The following LMTK2 variants were observed in gnomAD, a reference collection of about 807,000 sequenced individuals.
LMTK2 encodes the protein serine/threonine-protein kinase LMTK2.
LMTK2 carries 37 observed loss-of-function variants against 127.5 expected under a neutral mutation model. The ratio of observed to expected loss-of-function variants is 0.29; its 90% CI spans 0.22 to 0.38. The LOEUF (loss-of-function observed/expected upper bound fraction) is 0.38, where lower values mean the gene tolerates loss of function less well. LMTK2 is among the 10% of genes least tolerant of loss of function. The probability of loss-of-function intolerance (pLI) is 1.00; values close to 1 mark genes in which losing one functional copy is unlikely to be tolerated. For synonymous variants in LMTK2, 819 were observed against 810.1 expected (o/e 1.01, Z -0.19); for missense variants, 1,694 against 1,920.3 (o/e 0.88, Z 2.20).
intron 3 of LMTK2, among the ~76,000 whole-genome samples, chr7:98,150,353 A>T (rs1285264460): frequency 6.6e-6 from 1 of 152,016 alleles, no homozygotes; most frequent in Non-Finnish European, 1.5e-5. Context: ...AAGATTGCAT[A>T]CCCTTTAGAA....
At chr7:98,144,842 T>G (rs1302087961) in intron 3 of LMTK2, among the ~76,000 whole-genome samples, 1 of 152,008 alleles carries the variant, frequency 6.6e-6, no homozygotes, top group Non-Finnish European at 1.5e-5. Context: ...GATCTTTCCA[T>G]ATCATTAAAG....
Position 98,191,985 on chromosome 7 carries a change from T to C in LMTK2, c.1520T>C (p.Val507Ala), listed in dbSNP as rs1797533310. The C allele has an allele frequency of 1.2e-6, 2 of 1,613,248 alleles. No homozygotes were observed. Among genetic ancestry groups the C allele is most frequent in the Non-Finnish European group, 1.7e-6 (2 of 1,179,464 alleles). Residue 507 changes from valine to alanine, a missense_variant, in exon 11 of 14, where the codon GTT becomes GCT. By Grantham distance (64) the Val-to-Ala change is moderately conservative. Coordinates refer to ENST00000297293, the MANE Select transcript of LMTK2 (RefSeq NM_014916.4). ...TCCTACACGAGCATCTTCTATCCGG[T>C]TGAAGTTTTTGAGAGTTCGCTTTCA... ...GLSYTSIFYP[V>A]EVFESSLSDP...
At chr7:98,157,792 A>G (rs1027207926) in intron 5 of LMTK2, among the ~76,000 whole-genome samples, 1 of 152,246 alleles carries the variant, frequency 6.6e-6, no homozygotes, top group African/African-American at 2.4e-5. Context: ...AACATTCTAG[A>G]AATGGAGAAC....
At chr7:98,151,245 T>G (rs934104337) in intron 3 of LMTK2, 137 bp from the exon 4 acceptor site, 11 of 529,850 alleles carry the variant, frequency 2.1e-5, no homozygotes, top group Non-Finnish European at 3.5e-5. Context: ...TTGGCATGAT[T>G]CGTTTAAAAG....
At chr7:98,140,472 G>A (rs546290871) in intron 2 of LMTK2, among the ~76,000 whole-genome samples, 1 of 152,130 alleles carries the variant, frequency 6.6e-6, no homozygotes, top group East Asian at 2.0e-4. Flanking sequence ...TTGTAAAGTT[G>A]TCATCTTTAG....
At chr7:98,190,697 G>A (rs1157642249) in intron 9 of LMTK2, 31 bp from the exon 10 acceptor site, 3 of 1,612,232 alleles carry the variant, frequency 1.9e-6, no homozygotes. Flanking sequence ...TCTAAAGGGA[G>A]AGAGAAACAG....
chr7:98,133,167 TGTG>T (rs1286296604), intron 1 of LMTK2, among the ~76,000 whole-genome samples: 2 of 152,238 alleles, frequency 1.3e-5, no homozygotes, highest in African/African-American at 2.4e-5. Flanking sequence ...CCAGACCTCA[TGTG>T]GTGCTTGCTC....
intron 7 of LMTK2, among the ~76,000 whole-genome samples, chr7:98,176,074 A>G (rs1797273037): frequency 6.6e-6 from 1 of 152,254 alleles, no homozygotes; most frequent in Admixed American, 6.5e-5. Context: ...TGCATGTAGC[A>G]GTGTGTGAAT....
intron 1 of LMTK2, among the ~76,000 whole-genome samples, chr7:98,113,315 C>T (rs1340294205): frequency 2.0e-5 from 3 of 152,196 alleles, no homozygotes; most frequent in African/African-American, 7.2e-5. Context: ...TTTGCTTCCC[C>T]TTCCACCGTG....
At chr7:98,160,369 AT>A (rs1797000028) in intron 6 of LMTK2, among the ~76,000 whole-genome samples, 1 of 152,212 alleles carries the variant, frequency 6.6e-6, no homozygotes, top group South Asian at 2.1e-4. Flanking sequence ...GAGGTGGTTG[AT>A]TAATAAACTT....
At position 98,194,347 on chromosome 7, in the gene LMTK2, G is replaced by A. The variant is rs1430786381; in HGVS notation, c.3882G>A (p.Ser1294=). The part of the protein sequence containing the change: ...ADEEDENSDD[S]DEDLRAFNLH... ...AGGAGGACGAAAACAGCGACGACTCGGACGAGGACCTGCGGGCCTTCAACC... is the reference window on the plus strand; with the variant it reads ...AGGAGGACGAAAACAGCGACGACTCAGACGAGGACCTGCGGGCCTTCAACC... Residue 1294 remains serine, a synonymous_variant, in exon 11 of 14, where the codon TCG becomes TCA. Transcript: ENST00000297293. The surrounding 1 kb of genome is among the most constrained non-coding windows in gnomAD (Gnocchi z 5.4). 32 of 1,613,990 alleles carry A rather than the reference G, an allele frequency of 2.0e-5. No individual in the cohort carries two copies. The highest frequency in any genetic ancestry group is 3.3e-4 in the Middle Eastern group (2 of 6,084).
rs1053790152 is a variant in LMTK2, at chr7:98,171,476, C to T, written c.658-65C>T. ...TTAACAGTTAGTGTTCACCGAGGCACGTATTTAAGCGCTCACTTTATTCCT... is the reference window on the plus strand; with the variant it reads ...TTAACAGTTAGTGTTCACCGAGGCATGTATTTAAGCGCTCACTTTATTCCT... On this transcript the variant is annotated intron_variant, in intron 6 of 13. Coordinates refer to ENST00000297293, the MANE Select transcript of LMTK2 (RefSeq NM_014916.4). The surrounding 1 kb of genome is among the most constrained non-coding windows in gnomAD (Gnocchi z 5.1). 1.6e-5 allele frequency: 25 copies of T among 1,602,342 alleles called. No homozygotes were observed. The highest frequency in any genetic ancestry group is 1.7e-4 in the Middle Eastern group (1 of 6,028).
chr7:98,189,911 G>A (rs1173416813), intron 9 of LMTK2, among the ~76,000 whole-genome samples: 2 of 152,068 alleles, frequency 1.3e-5, no homozygotes, highest in African/African-American at 4.8e-5. Flanking sequence ...CCAAACTTGT[G>A]GGTCTCACAG....
At chr7:98,131,932 TA>T (rs1796525109) in intron 1 of LMTK2, among the ~76,000 whole-genome samples, 1 of 152,152 alleles carries the variant, frequency 6.6e-6, no homozygotes, top group Admixed American at 6.5e-5. Flanking sequence ...GTCTTTACAT[TA>T]GCAGTTCACT....
chr7:98,190,545 G>A (rs761336473), intron 9 of LMTK2, among the ~76,000 whole-genome samples, 183 bp from the exon 10 acceptor site: 1 of 152,186 alleles, frequency 6.6e-6, no homozygotes, highest in Non-Finnish European at 1.5e-5. Flanking sequence ...TCACACCATT[G>A]CACTCCAGCC....
chr7:98,180,282 T>G (rs1448980120), intron 7 of LMTK2, among the ~76,000 whole-genome samples: 1 of 152,252 alleles, frequency 6.6e-6, no homozygotes, highest in Non-Finnish European at 1.5e-5. Flanking sequence ...GTTTAAGTTT[T>G]TGGTCTTTTG....
intron 8 of LMTK2, 62 bp from the exon 9 acceptor site, chr7:98,186,815 A>C: frequency 6.8e-7 from 1 of 1,461,836 alleles, no homozygotes; most frequent in South Asian, 1.2e-5. Context: ...ATGGATTTAA[A>C]TTCTTGAACT....
intron 9 of LMTK2, among the ~76,000 whole-genome samples, chr7:98,187,291 T>A (rs1797450317): frequency 1.3e-5 from 2 of 152,214 alleles, no homozygotes; most frequent in African/African-American, 4.8e-5. Context: ...AGATATTTAA[T>A]ATGTATTTAT....
rs1330302014 is a variant in LMTK2 at position 98,171,646 on chromosome 7, G to A, written c.763G>A (p.Ala255Thr). The A allele has an allele frequency of 3.1e-6, 5 of 1,599,740 alleles. No homozygotes were observed. In the South Asian group the frequency reaches 4.5e-5, roughly 14 times the overall value. The change falls in exon 7 of 14, where the codon GCC becomes ACC. Residue 255 changes from alanine to threonine, a missense_variant. By Grantham distance (58) the Ala-to-Thr change is moderately conservative. This residue lies in a region of LMTK2 where 203 missense variants were observed against 226.2 expected (regional missense o/e 0.90). Transcript: ENST00000297293. This position sits in a 1 kb window ranked among gnomAD's most constrained non-coding sequence, Gnocchi z 5.1. ...GTGCGAGGTCGCCGCGGGGCTGGCC[G>A]CCATGCACAAGCTGCACTTCCTGCA... is the stretch of plus-strand genomic sequence containing the variant. ...MACEVAAGLAAMHKLHFLHSD... is the reference protein window; with the variant it reads ...MACEVAAGLATMHKLHFLHSD...
Sources: gnomAD v4.1 joint callset for allele counts (sites outside exome capture counted in the v4.1 genomes callset) on GRCh38, gnomAD v4.1.1 for gene constraint, gnomAD v4.1.1 regional missense constraint, Gnocchi (gnomAD v3.1) non-coding constraint, MANE v1.5 for transcripts, NCBI Gene and HGNC (gene_info 2026-07-23, HGNC 2026-07-21) for gene names.